The following PPM1K variants were observed in gnomAD, a reference collection of about 807,000 sequenced individuals.
PPM1K encodes protein phosphatase Mn(2+)-dependent 1K.
PPM1K carries 19 observed loss-of-function variants against 32.6 expected under a neutral mutation model. The ratio of observed to expected loss-of-function variants is 0.58; its 90% CI spans 0.41 to 0.86. The LOEUF is 0.86. Ranked by LOEUF, PPM1K falls within the 40% of genes least tolerant of loss-of-function variation. The probability of loss-of-function intolerance (pLI) is 0.00; values close to 1 mark genes in which losing one functional copy is unlikely to be tolerated. For missense variants in PPM1K, 362 were observed against 461.2 expected, an observed-to-expected ratio of 0.78 and a Z score of 1.97; for synonymous variants, 159 against 165.3, an observed-to-expected ratio of 0.96 and a Z score of 0.29.
rs545769443 is a variant in PPM1K at position 88,262,276 on chromosome 4, CA to C, written c.*318del. On this transcript the variant is annotated 3_prime_UTR_variant, in exon 7 of 7. Coordinates refer to ENST00000608933, the MANE Select transcript of PPM1K (RefSeq NM_152542.5). ...CAAATGAATAAAGAACAAAAATGAT[CA>C]AAAGAAACCCATAGCTGCCTAAGAG... 5.6e-3 allele frequency: 958 copies of C among 170,152 alleles called. 7 individuals are homozygous for C. The highest frequency in any genetic ancestry group is 8.4e-3 in the Non-Finnish European group (674 of 80,322). The allele number at this position is 170,152 out of a possible 1,614,324, so 10.5% of individuals were successfully genotyped here.
intron 3 of PPM1K, chr4:88,276,015 G>A: frequency 5.1e-6 from 5 of 985,314 alleles, no homozygotes; most frequent in Non-Finnish European, 6.0e-6. Flanking sequence ...TTCCTGAGGA[G>A]TGTGATAGTA....
intron 3 of PPM1K, among the ~76,000 whole-genome samples, chr4:88,274,467 A>C (rs948930807): frequency 2.0e-5 from 3 of 152,158 alleles, no homozygotes; most frequent in African/African-American, 7.2e-5. Flanking sequence ...GGAGATTCAA[A>C]AATGAATAAG....
chr4:88,280,435 G>C (rs1047126324), intron 1 of PPM1K, among the ~76,000 whole-genome samples: 2 of 152,204 alleles, frequency 1.3e-5, no homozygotes, highest in African/African-American at 4.8e-5. Flanking sequence ...TGGGGGGTTG[G>C]AGAGTGGCAG....
At chr4:88,277,288 T>G in intron 2 of PPM1K, 45 bp from the exon 3 acceptor site, 1 of 1,303,164 alleles carries the variant, frequency 7.7e-7, no homozygotes, top group East Asian at 2.3e-5. Context: ...CATTTTACAA[T>G]AGGTTTTTCT....
rs1731416598 is a variant in PPM1K, at chr4:88,268,316, A to C, written c.726T>G (p.Gly242=). 23 of 1,614,136 alleles carry C rather than the reference A, an allele frequency of 1.4e-5. No homozygotes were observed. The highest frequency in any genetic ancestry group is 1.8e-5 in the Non-Finnish European group (21 of 1,180,016). The part of the protein sequence containing the change: ...DEKERIKKCG[G]FVAWNSLGQP... The stretch of plus-strand genomic sequence containing the variant: ...GCCCCAAACTATTCCAAGCTACAAA[A>C]CCACCACATTTCTTGATCCTGTTAA... Residue 242 remains glycine (G), a synonymous_variant, in exon 5 of 7, where the codon GGT becomes GGG. Transcript: ENST00000608933.
At chr4:88,274,806 A>C (rs2110166812) in intron 3 of PPM1K, 1 of 156,542 alleles carries the variant, frequency 6.4e-6, no homozygotes, top group African/African-American at 2.4e-5. Context: ...ATTTGATAAA[A>C]TAGGCCCTAA....
At position 88,261,512 on chromosome 4, in the gene PPM1K, G is replaced by A. The variant is rs1479440947; in HGVS notation, c.*1083C>T. On this transcript the variant is annotated 3_prime_UTR_variant, in exon 7 of 7. Coordinates refer to ENST00000608933, the MANE Select transcript of PPM1K (RefSeq NM_152542.5). The stretch of plus-strand genomic sequence containing the variant: ...TTCCATCAGTATTTAACTTTTGACC[G>A]GAAGACTCAGCCTGTGCATTCTTTT... 1.1e-4 allele frequency: 17 copies of A among 152,162 alleles called. 1 individual carries two copies. Among genetic ancestry groups the A allele is most frequent in the Admixed American group, 2.6e-4 (4 of 15,280 alleles). 9.4% of individuals were successfully genotyped at this position (152,162 alleles called of 1,614,324 possible).
intron 3 of PPM1K, among the ~76,000 whole-genome samples, chr4:88,271,376 C>G (rs968155243): frequency 6.6e-6 from 1 of 152,150 alleles, no homozygotes; most frequent in Non-Finnish European, 1.5e-5. Context: ...TCAATTATTC[C>G]AAAACTCAGT....
chr4:88,281,653 A>AAACC (rs1468261550), intron 1 of PPM1K, among the ~76,000 whole-genome samples: 2 of 151,780 alleles, frequency 1.3e-5, no homozygotes, highest in Non-Finnish European at 2.9e-5. Context: ...AAAAACAAAC[A>AAACC]AACAGGTCGG....
In PPM1K at chr4:88,262,432, G is replaced by T. The variant is rs987317332; in HGVS notation, c.*163C>A. 1 of 666,522 alleles carries T rather than the reference G, an allele frequency of 1.5e-6. No individual in the cohort carries two copies. Among genetic ancestry groups the T allele is most frequent in the Non-Finnish European group, 2.5e-6 (1 of 405,746 alleles). The allele number at this position is 666,522 out of a possible 1,614,324, so 41.3% of individuals were successfully genotyped here. On this transcript the variant is annotated 3_prime_UTR_variant, in exon 7 of 7. Coordinates refer to ENST00000608933, the MANE Select transcript of PPM1K (RefSeq NM_152542.5). Reference sequence around the variant, plus strand: ...TATATTTATACTGAACATGTACAGCGGAACATAAATATGATGAGCATTTAT... The same window carrying T: ...TATATTTATACTGAACATGTACAGCTGAACATAAATATGATGAGCATTTAT...
rs1731154075 is a variant in PPM1K, at chr4:88,262,472, C to T, written c.*123G>A. 4 of 1,006,426 alleles carry T rather than the reference C, an allele frequency of 4.0e-6. No homozygotes were observed. The highest frequency in any genetic ancestry group is 2.3e-4 in the Middle Eastern group (1 of 4,444). The allele number at this position is 1,006,426 out of a possible 1,614,324, so 62.3% of individuals were successfully genotyped here. On this transcript the variant is annotated 3_prime_UTR_variant, in exon 7 of 7. Transcript: ENST00000608933. ...TGAGCATTTATGAAAAAACTACTAT[C>T]TAAGTGGTTTACACTGACTTGTGCG...
intron 1 of PPM1K, among the ~76,000 whole-genome samples, chr4:88,283,285 T>A (rs145952896): frequency 1.8e-3 from 278 of 152,296 alleles, no homozygotes; most frequent in African/African-American, 6.6e-3. Flanking sequence ...GTAATTTTTG[T>A]ATGTTTTGTA....
intron 2 of PPM1K, chr4:88,277,583 A>T (rs1269713477): frequency 9.1e-6 from 2 of 219,724 alleles, no homozygotes; most frequent in Non-Finnish European, 1.8e-5. Context: ...TGGGAAGTCA[A>T]AAATAGTCAC....
chr4:88,276,405 C>A, intron 3 of PPM1K: 3 of 985,382 alleles, frequency 3.0e-6, no homozygotes, highest in Non-Finnish European at 3.6e-6. Context: ...TTAACTTTAA[C>A]AGCAAAAGAT....
At chr4:88,269,676 T>C (rs533518238) in intron 3 of PPM1K, among the ~76,000 whole-genome samples, 6 of 152,246 alleles carry the variant, frequency 3.9e-5, no homozygotes, top group South Asian at 2.1e-4. Flanking sequence ...CTCCAGAAGG[T>C]TGTAATACAA....
chr4:88,284,519 C>G lies in PPM1K; in HGVS notation c.-173G>C, dbSNP rs1244655086. On this transcript the variant is annotated 5_prime_UTR_variant, in exon 1 of 7. Coordinates refer to ENST00000608933, the MANE Select transcript of PPM1K (RefSeq NM_152542.5). ...TCTCCGTCGTCTCGGATCTCCGAAG[C>G]AAGCAGTCAAAGCGGCCACTGCCTT... The G allele has an allele frequency of 6.6e-6, 1 of 152,280 alleles. No homozygotes were observed. Among genetic ancestry groups the G allele is most frequent in the South Asian group, 2.1e-4 (1 of 4,838 alleles). The allele number at this position is 152,280 out of a possible 1,614,324, so 9.4% of individuals were successfully genotyped here. A position where few individuals can be genotyped will look rare whatever the true frequency, so the allele number is the denominator to read the frequency against.
intron 6 of PPM1K, 25 bp from the exon 7 acceptor site, chr4:88,262,751 A>T: frequency 6.3e-7 from 1 of 1,585,264 alleles, no homozygotes; most frequent in South Asian, 1.2e-5. Flanking sequence ...AGGAAGAAAG[A>T]GAAAAACATT....
chr4:88,284,365 G>A (rs1256287902), intron 1 of PPM1K, 41 bp downstream of exon 1: 2 of 152,284 alleles, frequency 1.3e-5, no homozygotes, highest in African/African-American at 4.8e-5. Flanking sequence ...CAGCATACAT[G>A]GTTAGCAGAA....
At position 88,278,017 on chromosome 4, in the gene PPM1K, T is replaced by C; in HGVS notation, c.440+127A>G. On this transcript the variant is annotated intron_variant, in intron 2 of 6. Transcript: ENST00000608933. This position sits in a 1 kb window ranked among gnomAD's most constrained non-coding sequence, Gnocchi z 4.2. ...AATGGCACACTTAAACTACTGCTCA[T>C]TCGTGAAGCAGCAGCATGCAACCAC... is the stretch of plus-strand genomic sequence containing the variant. The C allele has an allele frequency of 1.4e-6, 1 of 713,214 alleles. No individual in the cohort carries two copies. The highest frequency in any genetic ancestry group is 1.9e-5 in the South Asian group (1 of 52,744). 44.2% of individuals were successfully genotyped at this position (713,214 alleles called of 1,614,324 possible). A position where few individuals can be genotyped will look rare whatever the true frequency, so the allele number is the denominator to read the frequency against.
Sources: gnomAD v4.1 joint callset for allele counts (sites outside exome capture counted in the v4.1 genomes callset) on GRCh38, gnomAD v4.1.1 for gene constraint, Gnocchi (gnomAD v3.1) non-coding constraint, MANE v1.5 for transcripts, NCBI Gene and HGNC (gene_info 2026-07-23, HGNC 2026-07-21) for gene names.